The following MTHFD2L variants were observed in gnomAD, a reference collection of about 807,000 sequenced individuals.
MTHFD2L encodes bifunctional methylenetetrahydrofolate dehydrogenase/cyclohydrolase 2, mitochondrial.
Under a neutral mutation model 34.9 loss-of-function variants are expected in MTHFD2L, and 29 were observed. The observed-to-expected ratio is 0.83, with a 90% CI of 0.62 to 1.13. The LOEUF (loss-of-function observed/expected upper bound fraction) is 1.13, where lower values mean the gene tolerates loss of function less well. Ranked by LOEUF, MTHFD2L falls within the 50% of genes most tolerant of loss-of-function variation. The pLI, the probability that MTHFD2L is intolerant of heterozygous loss-of-function variation, is 0.00. For missense variants in MTHFD2L, 481 were observed against 446.5 expected (o/e 1.08, Z -0.70); for synonymous variants, 167 against 155.7 (o/e 1.07, Z -0.54).
At chr4:74,198,099 C>G (rs1312621559) in intron 3 of MTHFD2L, among the ~76,000 whole-genome samples, 1 of 152,086 alleles carries the variant, frequency 6.6e-6, no homozygotes, top group Non-Finnish European at 1.5e-5. Context: ...ATATTTAAGA[C>G]AAACCAAAAT....
At chr4:74,201,090 G>A (rs1228806996) in intron 4 of MTHFD2L, among the ~76,000 whole-genome samples, 173 bp from the exon 5 acceptor site, 1 of 152,166 alleles carries the variant, frequency 6.6e-6, no homozygotes, top group East Asian at 1.9e-4. Flanking sequence ...ACAAATCAAA[G>A]AAGCATAAAA....
chr4:74,122,569 C>CTGT (rs1721817261), upstream of MTHFD2L, among the ~76,000 whole-genome samples: 2 of 152,106 alleles, frequency 1.3e-5, no homozygotes, highest in Admixed American at 1.3e-4. Flanking sequence ...TATAATAAAA[C>CTGT]GTACTGAGAG....
chr4:74,174,101 C>G (rs1331524509), intron 1 of MTHFD2L, among the ~76,000 whole-genome samples: 1 of 152,160 alleles, frequency 6.6e-6, no homozygotes, highest in Admixed American at 6.5e-5. Flanking sequence ...GTGCTATGTC[C>G]TCACATGGCA....
At chr4:74,263,923 A>G (rs138875069) in intron 6 of MTHFD2L, among the ~76,000 whole-genome samples, 1 of 152,156 alleles carries the variant, frequency 6.6e-6, no homozygotes, top group Non-Finnish European at 1.5e-5. Flanking sequence ...TGTCCATGTA[A>G]TTTACCATAT....
At chr4:74,249,055 T>A (rs1742921000) in intron 6 of MTHFD2L, among the ~76,000 whole-genome samples, 2 of 152,230 alleles carry the variant, frequency 1.3e-5, no homozygotes, top group African/African-American at 4.8e-5. Context: ...TCTGTCTTGT[T>A]GATCTGTCTA....
intron 5 of MTHFD2L, among the ~76,000 whole-genome samples, chr4:74,213,385 CGGGCCT>C (rs1560494345): frequency 2.0e-5 from 3 of 152,108 alleles, no homozygotes; most frequent in African/African-American, 7.2e-5. Flanking sequence ...TCTTGTAAGG[CGGGCCT>C]GGTGGTGACA....
At chr4:74,164,164 C>T (rs1401504185) in intron 1 of MTHFD2L, among the ~76,000 whole-genome samples, 1 of 152,204 alleles carries the variant, frequency 6.6e-6, no homozygotes, top group Admixed American at 6.5e-5. Context: ...GCGTGAGCCA[C>T]CATGCCTGGC....
At chr4:74,225,720 A>G (rs540859438) in intron 6 of MTHFD2L, among the ~76,000 whole-genome samples, 3 of 152,288 alleles carry the variant, frequency 2.0e-5, no homozygotes, top group East Asian at 3.9e-4. Context: ...CATTGTAGCT[A>G]TGGAGAACAA....
intron 1 of MTHFD2L, among the ~76,000 whole-genome samples, chr4:74,167,993 C>A (rs1272190865): frequency 6.6e-6 from 1 of 152,084 alleles, no homozygotes; most frequent in African/African-American, 2.4e-5. Context: ...CTACTTAGCA[C>A]CTCCATGGCT....
intron 1 of MTHFD2L, among the ~76,000 whole-genome samples, chr4:74,174,151 A>T (rs1419603173): frequency 6.6e-6 from 1 of 152,150 alleles, no homozygotes; most frequent in African/African-American, 2.4e-5. Flanking sequence ...TTAAAAGGAC[A>T]CTAATACCAC....
intron 6 of MTHFD2L, among the ~76,000 whole-genome samples, chr4:74,271,349 A>G (rs1277680034): frequency 1.3e-5 from 2 of 152,154 alleles, no homozygotes; most frequent in Non-Finnish European, 2.9e-5. Flanking sequence ...ATTTTTGTAT[A>G]AGGTGTAAGG....
intron 6 of MTHFD2L, among the ~76,000 whole-genome samples, chr4:74,276,391 G>T (rs1002958861): frequency 4.6e-5 from 7 of 152,050 alleles, no homozygotes; most frequent in African/African-American, 1.7e-4. Context: ...GATGGTTTTG[G>T]TTCTCACATA....
At chr4:74,278,878 T>A (rs560122518) in intron 6 of MTHFD2L, among the ~76,000 whole-genome samples, 2 of 152,190 alleles carry the variant, frequency 1.3e-5, no homozygotes, top group Admixed American at 1.3e-4. Flanking sequence ...CATTAAAAAT[T>A]TGAACATGGT....
intron 6 of MTHFD2L, among the ~76,000 whole-genome samples, chr4:74,262,104 A>G (rs1437549994): frequency 2.0e-5 from 3 of 151,994 alleles, no homozygotes; most frequent in African/African-American, 7.2e-5. Context: ...GTGTGAATCT[A>G]TGTAAATAGG....
chr4:74,207,854 C>T (rs763001781), intron 5 of MTHFD2L, among the ~76,000 whole-genome samples: 4 of 146,472 alleles, frequency 2.7e-5, no homozygotes, highest in Non-Finnish European at 5.9e-5. Flanking sequence ...GGCAGTGCAA[C>T]GTGATGTGAG....
At chr4:74,149,809 C>T (rs1477303062) in intron 1 of MTHFD2L, among the ~76,000 whole-genome samples, 1 of 152,130 alleles carries the variant, frequency 6.6e-6, no homozygotes, top group East Asian at 1.9e-4. Flanking sequence ...AGTGCTCCCC[C>T]CAAAAAATGT....
intron 7 of MTHFD2L, among the ~76,000 whole-genome samples, chr4:74,283,017 CT>C (rs1277749298): frequency 1.3e-5 from 2 of 152,076 alleles, no homozygotes; most frequent in African/African-American, 4.8e-5. Flanking sequence ...TATTTATTTT[CT>C]TTACTGTCAT....
intron 6 of MTHFD2L, among the ~76,000 whole-genome samples, chr4:74,231,475 A>T (rs1480179267): frequency 6.6e-6 from 1 of 152,086 alleles, no homozygotes; most frequent in Non-Finnish European, 1.5e-5. Context: ...AGCACATTTC[A>T]TGGCTTCACT....
At chr4:74,132,981 T>C (rs548701546) in intron 1 of MTHFD2L, among the ~76,000 whole-genome samples, 1 of 152,338 alleles carries the variant, frequency 6.6e-6, no homozygotes, top group East Asian at 1.9e-4. Context: ...GTGGGTTTTA[T>C]ACCTTGAAAT....
Sources: allele counts gnomAD v4.1 joint callset (sites outside exome capture counted in the v4.1 genomes callset), GRCh38; gene constraint gnomAD v4.1.1; transcripts MANE v1.5; gene names NCBI Gene and HGNC (gene_info 2026-07-23, HGNC 2026-07-21).